KCNIP4: variants seen among roughly 807,000 people sequenced by gnomAD.
KCNIP4 encodes the protein potassium voltage-gated channel interacting protein 4.
In KCNIP4, 12 loss-of-function variants were observed where a neutral mutation model predicts 34.0. That is an observed-to-expected ratio of 0.35 (90% CI 0.23 to 0.57). The LOEUF (loss-of-function observed/expected upper bound fraction) is 0.57. KCNIP4 is among the 20% of genes least tolerant of loss of function. KCNIP4 has a pLI of 0.83. For missense variants in KCNIP4, 238 were observed against 311.7 expected (o/e 0.76, Z 1.78); for synonymous variants, 124 against 102.2 (o/e 1.21, Z -1.29).
At chr4:21,095,938 G>A (rs1577682179) in intron 1 of KCNIP4, among the ~76,000 whole-genome samples, 2 of 152,032 alleles carry the variant, frequency 1.3e-5, no homozygotes, top group East Asian at 1.9e-4. Flanking sequence ...CAGCAGAAAC[G>A]AAATTGGACA....
At chr4:21,816,542 C>A (rs1361726178) in intron 1 of KCNIP4, among the ~76,000 whole-genome samples, 4 of 152,136 alleles carry the variant, frequency 2.6e-5, no homozygotes, top group Non-Finnish European at 4.4e-5. Flanking sequence ...GTCAGTTGTT[C>A]ACGTCTCCAT....
intron 1 of KCNIP4, among the ~76,000 whole-genome samples, chr4:20,892,827 G>A (rs555554247): frequency 1.3e-5 from 2 of 152,322 alleles, no homozygotes; most frequent in East Asian, 3.9e-4. Context: ...AATACTAGCA[G>A]AAAACAACAT....
intron 1 of KCNIP4, among the ~76,000 whole-genome samples, chr4:21,582,992 C>T (rs559890876): frequency 1.3e-5 from 2 of 151,866 alleles, no homozygotes; most frequent in African/African-American, 4.8e-5. Context: ...GCTCATAAAT[C>T]GGGCCTTTAA....
intron 1 of KCNIP4, among the ~76,000 whole-genome samples, chr4:21,028,930 C>T (rs1473206785): frequency 1.3e-5 from 2 of 152,098 alleles, no homozygotes; most frequent in South Asian, 2.1e-4. Flanking sequence ...TGTTGCTCTA[C>T]CTAAAGTATT....
At chr4:20,842,508 C>A (rs547660812) in intron 3 of KCNIP4, among the ~76,000 whole-genome samples, 1 of 133,666 alleles carries the variant, frequency 7.5e-6, no homozygotes, top group African/African-American at 2.8e-5. Flanking sequence ...AACCCAATAT[C>A]TGACTTATAG....
chr4:20,892,892 A>G (rs1180792135), intron 1 of KCNIP4, among the ~76,000 whole-genome samples: 1 of 152,118 alleles, frequency 6.6e-6, no homozygotes, highest in East Asian at 1.9e-4. Flanking sequence ...TTGAACCTCA[A>G]TTTTCCCTTG....
intron 1 of KCNIP4, chr4:21,843,566 A>C (rs1325400399): frequency 6.6e-6 from 1 of 152,020 alleles, no homozygotes; most frequent in African/African-American, 2.4e-5. Context: ...CCCAGAAGAA[A>C]GCAAAATCCT....
chr4:21,288,993 A>C (rs1449978990), intron 1 of KCNIP4, among the ~76,000 whole-genome samples: 1 of 152,228 alleles, frequency 6.6e-6, no homozygotes, highest in African/African-American at 2.4e-5. Flanking sequence ...AGGAAAACTA[A>C]GAACAGATAA....
In KCNIP4 at chr4:21,750,775, T is replaced by C. The variant is rs144878165; in HGVS notation, c.61+197796A>G. On this transcript the variant is annotated intron_variant, in intron 1 of 8. Transcript: ENST00000382152. ...CTCAACAGTTATTTCGCGGAGAAGC[T>C]GTGGGCTGGAGAATGGGAAGGTGGA... Among the ~76,000 whole-genome samples, 6 of 152,224 alleles carry C rather than the reference T, an allele frequency of 3.9e-5. No homozygotes were observed. The South Asian group carries it at 1.0e-3, about 26-fold the overall frequency.
At chr4:21,527,852 T>A (rs1336410870) in intron 1 of KCNIP4, among the ~76,000 whole-genome samples, 1 of 152,156 alleles carries the variant, frequency 6.6e-6, no homozygotes, top group Non-Finnish European at 1.5e-5. Flanking sequence ...GGTATGGTTG[T>A]TGCATCTCTT....
intron 1 of KCNIP4, among the ~76,000 whole-genome samples, chr4:21,858,734 C>T (rs1411407492): frequency 6.6e-6 from 1 of 152,208 alleles, no homozygotes; most frequent in Non-Finnish European, 1.5e-5. Flanking sequence ...AATTTTAACA[C>T]AGCTTAAAAA....
rs561268413 is a variant in KCNIP4, at chr4:21,308,616, A to G, written c.62-425907T>C. ...TCAATGAAACAAACATCACCAGCATAAGTAACCCAACACTTGATAGTGACT... is the reference window on the plus strand; with the variant it reads ...TCAATGAAACAAACATCACCAGCATGAGTAACCCAACACTTGATAGTGACT... On this transcript the variant is annotated intron_variant, in intron 1 of 8. Coordinates refer to ENST00000382152, the MANE Select transcript of KCNIP4 (RefSeq NM_025221.6). 7.2e-4 allele frequency among the ~76,000 whole-genome samples: 110 copies of G among 152,278 alleles called. 1 individual carries two copies. The highest frequency in any genetic ancestry group is 2.4e-3 in the African/African-American group (101 of 41,554).
chr4:20,815,965 T>C (rs1363682851), intron 3 of KCNIP4, among the ~76,000 whole-genome samples: 2 of 152,142 alleles, frequency 1.3e-5, no homozygotes, highest in Non-Finnish European at 1.5e-5. Context: ...AACCTTTAAG[T>C]AGGCTGGGAG....
At chr4:21,132,259 C>T (rs1052424608) in intron 1 of KCNIP4, among the ~76,000 whole-genome samples, 10 of 152,158 alleles carry the variant, frequency 6.6e-5, no homozygotes, top group East Asian at 5.8e-4. Context: ...CTATCACTTA[C>T]TATTAAAAGT....
intron 1 of KCNIP4, among the ~76,000 whole-genome samples, chr4:21,220,586 A>G (rs1757920026): frequency 6.6e-6 from 1 of 151,840 alleles, no homozygotes; most frequent in South Asian, 2.1e-4. Context: ...ATAATAAAGA[A>G]GTTCTCTTTT....
chr4:20,737,169 A>C (rs1178047244), intron 5 of KCNIP4, among the ~76,000 whole-genome samples: 1 of 152,202 alleles, frequency 6.6e-6, no homozygotes, highest in Non-Finnish European at 1.5e-5. Flanking sequence ...TTCCAGAGAA[A>C]GCCACAAGGA....
intron 1 of KCNIP4, among the ~76,000 whole-genome samples, chr4:21,138,450 T>C (rs1473663105): frequency 6.6e-6 from 1 of 152,144 alleles, no homozygotes; most frequent in African/African-American, 2.4e-5. Context: ...ACAAATCACT[T>C]ACTAATCCTA....
intron 1 of KCNIP4, among the ~76,000 whole-genome samples, chr4:20,907,065 A>G (rs1727845787): frequency 6.6e-6 from 1 of 152,210 alleles, no homozygotes; most frequent in Admixed American, 6.5e-5. Context: ...TAATGAGAGT[A>G]TATGTGTGTA....
At chr4:21,069,556 G>A (rs1347560118) in intron 1 of KCNIP4, among the ~76,000 whole-genome samples, 1 of 152,136 alleles carries the variant, frequency 6.6e-6, no homozygotes, top group Non-Finnish European at 1.5e-5. Flanking sequence ...GCCTGTGAAG[G>A]CTGGCCCTGG....
Sources: allele counts gnomAD v4.1 joint callset (sites outside exome capture counted in the v4.1 genomes callset), GRCh38; gene constraint gnomAD v4.1.1; transcripts MANE v1.5; gene names NCBI Gene and HGNC (gene_info 2026-07-23, HGNC 2026-07-21).